The following KCNH7 variants were observed in gnomAD, a reference collection of about 807,000 sequenced individuals.
KCNH7 encodes voltage-gated inwardly rectifying potassium channel KCNH7.
KCNH7 carries 49 observed loss-of-function variants against 120.8 expected under a neutral mutation model. That is an observed-to-expected ratio of 0.41 (90% CI 0.32 to 0.51). The LOEUF (loss-of-function observed/expected upper bound fraction) is 0.51, where lower values mean the gene tolerates loss of function less well. Among genes scored for constraint, KCNH7 ranks in the 20% least tolerant of loss-of-function variants. KCNH7 has a pLI of 0.38. For synonymous variants in KCNH7, 547 were observed against 516.1 expected (o/e 1.06, Z -0.81); for missense variants, 1,097 against 1,446.6 (o/e 0.76, Z 3.92).
chr2:162,470,149 T>G (rs867472215), intron 6 of KCNH7, among the ~76,000 whole-genome samples: 2 of 139,184 alleles, frequency 1.4e-5, no homozygotes, highest in African/African-American at 5.4e-5. Context: ...AAGTGAGGAG[T>G]GTCTCTGCCT....
intron 2 of KCNH7, among the ~76,000 whole-genome samples, chr2:162,719,109 A>G (rs992483817): frequency 6.6e-6 from 1 of 152,052 alleles, no homozygotes. Flanking sequence ...AGACAAGATA[A>G]CAGAGCCTTA....
intron 1 of KCNH7, 104 bp from the exon 2 acceptor site, chr2:162,836,871 C>T (rs2105632194): frequency 2.7e-6 from 2 of 736,712 alleles, no homozygotes; most frequent in South Asian, 3.6e-5. Flanking sequence ...ATGCAGGTGC[C>T]TCCCCAAATT....
At chr2:162,749,360 T>C (rs1277450215) in intron 2 of KCNH7, among the ~76,000 whole-genome samples, 2 of 152,156 alleles carry the variant, frequency 1.3e-5, no homozygotes, top group African/African-American at 4.8e-5. Flanking sequence ...TAACCATTTC[T>C]GGAGCGCAAA....
chr2:162,752,903 AAAAAGAAAAGAAAAGAAAAG>A (rs1332067169), intron 2 of KCNH7, among the ~76,000 whole-genome samples: 1 of 32,082 alleles, frequency 3.1e-5, no homozygotes, highest in African/African-American at 5.0e-5. Flanking sequence ...TACATCTCAG[AAAAAGAAAAGAAAAGAAAAG>A]AAAAGAAAAG....
intron 14 of KCNH7, among the ~76,000 whole-genome samples, chr2:162,377,585 T>A (rs867865580): frequency 6.6e-6 from 1 of 152,156 alleles, no homozygotes; most frequent in Non-Finnish European, 1.5e-5. Context: ...TGGTCAGATG[T>A]CCTTGCAGAA....
chr2:162,825,898 G>T (rs1210195432), intron 2 of KCNH7, among the ~76,000 whole-genome samples: 1 of 152,022 alleles, frequency 6.6e-6, no homozygotes, highest in South Asian at 2.1e-4. Context: ...AATTATAGCT[G>T]CACTACAAGC....
At chr2:162,391,782 CATT>C (rs901438637) in intron 12 of KCNH7, among the ~76,000 whole-genome samples, 7 of 151,938 alleles carry the variant, frequency 4.6e-5, no homozygotes, top group African/African-American at 1.7e-4. Flanking sequence ...ATGTGGAAGA[CATT>C]ATTATATTGA....
chr2:162,462,875 A>G (rs1354264518), intron 6 of KCNH7, among the ~76,000 whole-genome samples: 1 of 152,114 alleles, frequency 6.6e-6, no homozygotes, highest in Non-Finnish European at 1.5e-5. Flanking sequence ...ATAAATATAC[A>G]TAATTATTAT....
At chr2:162,684,809 A>G (rs1685829474) in intron 2 of KCNH7, among the ~76,000 whole-genome samples, 1 of 152,096 alleles carries the variant, frequency 6.6e-6, no homozygotes, top group Non-Finnish European at 1.5e-5. Flanking sequence ...AAGGATCTAG[A>G]ACCAGAAATA....
At chr2:162,821,798 A>T (rs1271947212) in intron 2 of KCNH7, among the ~76,000 whole-genome samples, 1 of 152,174 alleles carries the variant, frequency 6.6e-6, no homozygotes, top group African/African-American at 2.4e-5. Context: ...TTACATCTTT[A>T]CTTTCAATAC....
intron 2 of KCNH7, among the ~76,000 whole-genome samples, chr2:162,750,558 C>T (rs1051514720): frequency 6.6e-6 from 1 of 151,788 alleles, no homozygotes; most frequent in Non-Finnish European, 1.5e-5. Flanking sequence ...AAACATTTTC[C>T]AAGTTAAGGT....
chr2:162,396,631 G>A, intron 11 of KCNH7, 109 bp downstream of exon 11: 1 of 740,800 alleles, frequency 1.3e-6, no homozygotes. Flanking sequence ...ATTCAGAATT[G>A]GTAAAGTCTT....
At chr2:162,609,729 GA>G (rs1682896755) in intron 2 of KCNH7, among the ~76,000 whole-genome samples, 1 of 152,096 alleles carries the variant, frequency 6.6e-6, no homozygotes, top group Admixed American at 6.6e-5. Context: ...AAAGGGAGGG[GA>G]AACTGGGGAG....
chr2:162,827,239 C>T (rs1445017574), intron 2 of KCNH7, among the ~76,000 whole-genome samples: 1 of 151,968 alleles, frequency 6.6e-6, no homozygotes, highest in Non-Finnish European at 1.5e-5. Flanking sequence ...ATAATCTTGC[C>T]AGGAAATAAA....
chr2:162,749,888 A>G (rs1323490485), intron 2 of KCNH7, among the ~76,000 whole-genome samples: 1 of 152,232 alleles, frequency 6.6e-6, no homozygotes, highest in East Asian at 1.9e-4. Flanking sequence ...TGGGTAAAGC[A>G]TGAAGGTAAA....
chr2:162,512,202 C>G (rs896545956), intron 5 of KCNH7, among the ~76,000 whole-genome samples: 1 of 151,728 alleles, frequency 6.6e-6, no homozygotes, highest in Non-Finnish European at 1.5e-5. Context: ...AACCATACCC[C>G]CTGCCATCCA....
intron 2 of KCNH7, among the ~76,000 whole-genome samples, chr2:162,647,662 C>G (rs954648417): frequency 6.6e-6 from 1 of 152,148 alleles, no homozygotes; most frequent in Admixed American, 6.5e-5. Context: ...TGCCTGCCAC[C>G]ATTTAAGACG....
intron 2 of KCNH7, among the ~76,000 whole-genome samples, chr2:162,759,353 G>A (rs914339693): frequency 3.9e-5 from 6 of 152,038 alleles, no homozygotes; most frequent in Non-Finnish European, 8.8e-5. Flanking sequence ...GGTATCATTG[G>A]AGTCTGGGGA....
intron 8 of KCNH7, among the ~76,000 whole-genome samples, chr2:162,430,344 T>C (rs1417259096): frequency 2.6e-5 from 4 of 152,076 alleles, no homozygotes; most frequent in African/African-American, 4.8e-5. Context: ...CATTTGTGAC[T>C]TAGTATTCAT....
Sources: allele counts gnomAD v4.1 joint callset (sites outside exome capture counted in the v4.1 genomes callset), GRCh38; gene constraint gnomAD v4.1.1; transcripts MANE v1.5; gene names NCBI Gene and HGNC (gene_info 2026-07-23, HGNC 2026-07-21).